Variants in TENM3 observed in about 807,000 individuals in gnomAD.
The protein encoded by TENM3 is teneurin-3.
TENM3 carries 63 observed loss-of-function variants against 255.1 expected under a neutral mutation model. That is an observed-to-expected ratio of 0.25 (90% CI 0.20 to 0.30). The LOEUF is 0.30. Ranked by LOEUF, TENM3 falls within the 10% of genes least tolerant of loss-of-function variation. The pLI, the probability that TENM3 is intolerant of heterozygous loss-of-function variation, is 1.00. For synonymous variants in TENM3, 1,306 were observed against 1,322.3 expected, an observed-to-expected ratio of 0.99 and a Z score of 0.27; for missense variants, 2,929 against 3,461.1, an observed-to-expected ratio of 0.85 and a Z score of 3.86.
chr4:182,419,774 A>G (rs1035795961), intron 3 of TENM3, among the ~76,000 whole-genome samples: 3 of 151,960 alleles, frequency 2.0e-5, no homozygotes, highest in African/African-American at 7.3e-5. Context: ...GCAAGGACAG[A>G]AAACCAAACA....
At chr4:182,598,132 G>A (rs1240200818) in intron 3 of TENM3, among the ~76,000 whole-genome samples, 1 of 152,164 alleles carries the variant, frequency 6.6e-6, no homozygotes, top group African/African-American at 2.4e-5. Context: ...AGTGAGCTGT[G>A]ATTGTGCCAC....
chr4:181,556,968 C>A, the TENM3 span, among the ~76,000 whole-genome samples: 1 of 152,090 alleles, frequency 6.6e-6, no homozygotes, highest in African/African-American at 2.4e-5. Context: ...CCCCTACAGC[C>A]TTGATGTAAA....
At chr4:182,516,243 T>C (rs183470956) in intron 3 of TENM3, among the ~76,000 whole-genome samples, 10 of 152,342 alleles carry the variant, frequency 6.6e-5, no homozygotes, top group African/African-American at 2.2e-4. Flanking sequence ...CATCTTTAAA[T>C]TGAATGGGAA....
At chr4:181,852,764 A>T in the TENM3 span, among the ~76,000 whole-genome samples, 3,414 of 152,332 alleles carry the variant, frequency 0.022, 76 homozygotes, top group East Asian at 0.091. Flanking sequence ...TAATTCTCAC[A>T]AAACAATATG....
chr4:182,669,356 G>A (rs865890413), intron 6 of TENM3, among the ~76,000 whole-genome samples: 83 of 151,968 alleles, frequency 5.5e-4, no homozygotes, highest in African/African-American at 1.7e-3. Context: ...TGCAAGCTCC[G>A]CCTCCCAGGT....
At chr4:181,564,325 A>G in the TENM3 span, among the ~76,000 whole-genome samples, 9,781 of 152,268 alleles carry the variant, frequency 0.064, 423 homozygotes, top group South Asian at 0.11. Flanking sequence ...TACTAAACAC[A>G]CGACTAACTT....
intron 3 of TENM3, among the ~76,000 whole-genome samples, chr4:182,592,872 C>T (rs967436633): frequency 6.6e-6 from 1 of 152,118 alleles, no homozygotes; most frequent in Admixed American, 6.5e-5. Context: ...GAGGTGAAAA[C>T]GAATTTTAGG....
At chr4:182,044,695 T>G in the TENM3 span, among the ~76,000 whole-genome samples, 1 of 152,172 alleles carries the variant, frequency 6.6e-6, no homozygotes, top group Non-Finnish European at 1.5e-5. Flanking sequence ...ATCATTTTTT[T>G]GTCAGTAAGC....
At chr4:182,497,864 A>ATC (rs1255262099) in intron 3 of TENM3, among the ~76,000 whole-genome samples, 1 of 72,254 alleles carries the variant, frequency 1.4e-5, no homozygotes, top group African/African-American at 3.5e-5. Flanking sequence ...ATATATATAT[A>ATC]TATATATATA....
the TENM3 span, among the ~76,000 whole-genome samples, chr4:182,135,067 G>A: frequency 1.3e-5 from 2 of 151,696 alleles, no homozygotes; most frequent in Non-Finnish European, 2.9e-5. Context: ...TTAGCTGGAT[G>A]TGGTGATGCG....
chr4:181,462,720 G>A, the TENM3 span, among the ~76,000 whole-genome samples: 2 of 152,056 alleles, frequency 1.3e-5, no homozygotes, highest in African/African-American at 4.8e-5. Context: ...CATTCCCACT[G>A]GGAAACTCCT....
At chr4:182,387,019 C>G (rs1767990739) in intron 3 of TENM3, among the ~76,000 whole-genome samples, 3 of 152,230 alleles carry the variant, frequency 2.0e-5, no homozygotes, top group Admixed American at 2.0e-4. Context: ...CCTCCTGAGT[C>G]TGGTAGGGAC....
the TENM3 span, among the ~76,000 whole-genome samples, chr4:181,786,360 T>G: frequency 2.0e-5 from 3 of 152,052 alleles, no homozygotes. Flanking sequence ...TGCACACACA[T>G]GTGCACGGGA....
the TENM3 span, among the ~76,000 whole-genome samples, chr4:181,883,126 C>CTTTTTTTT: frequency 9.4e-5 from 10 of 106,732 alleles, no homozygotes; most frequent in African/African-American, 3.2e-4. Context: ...TGCAATTAAT[C>CTTTTTTTT]TTTTTTTTTT....
At chr4:181,764,219 T>C in the TENM3 span, among the ~76,000 whole-genome samples, 1 of 142,348 alleles carries the variant, frequency 7.0e-6, no homozygotes, top group African/African-American at 2.6e-5. Context: ...GTCCTAATAA[T>C]TATAAGACAT....
chr4:182,135,636 G>A, the TENM3 span, among the ~76,000 whole-genome samples: 1 of 152,244 alleles, frequency 6.6e-6, no homozygotes, highest in Admixed American at 6.5e-5. Context: ...AACGGTCCAT[G>A]ACAGGCTTTG....
intron 3 of TENM3, among the ~76,000 whole-genome samples, chr4:182,469,197 A>G (rs1423086284): frequency 6.6e-6 from 1 of 152,210 alleles, no homozygotes; most frequent in Non-Finnish European, 1.5e-5. Context: ...AATGAATTTG[A>G]AAAACTAAAA....
At chr4:182,487,964 T>C (rs1036870225) in intron 3 of TENM3, among the ~76,000 whole-genome samples, 10 of 152,200 alleles carry the variant, frequency 6.6e-5, no homozygotes, top group African/African-American at 2.4e-4. Flanking sequence ...AAGTTATGTA[T>C]GGCAATAATG....
chr4:182,176,113 A>G lies in TENM3; in HGVS notation c.-76+31359A>G, dbSNP rs1304773649. Reference sequence around the variant, plus strand: ...TGGACAGGATAAATACCATTCTTTAAGGTCACATACTGTTAGACTTGTATC... The same window carrying G: ...TGGACAGGATAAATACCATTCTTTAGGGTCACATACTGTTAGACTTGTATC... On this transcript the variant is annotated intron_variant, in intron 1 of 2. Coordinates refer to the TENM3 transcript ENST00000512480. Among the ~76,000 whole-genome samples, 4 of 151,656 alleles carry G rather than the reference A, an allele frequency of 2.6e-5. No individual in the cohort carries two copies. In the East Asian group the frequency reaches 7.7e-4, roughly 29 times the overall value.
Sources: gnomAD v4.1 joint callset for allele counts (sites outside exome capture counted in the v4.1 genomes callset) on GRCh38, gnomAD v4.1.1 for gene constraint, MANE v1.5 for transcripts, NCBI Gene and HGNC (gene_info 2026-07-23, HGNC 2026-07-21) for gene names.